The following GPR19 variants were observed in gnomAD, a reference collection of about 807,000 sequenced individuals.
The protein encoded by GPR19 is probable G protein-coupled receptor 19.
GPR19 carries 14 observed loss-of-function variants against 28.5 expected under a neutral mutation model. That is an observed-to-expected ratio of 0.49 (90% CI 0.32 to 0.77). The LOEUF (loss-of-function observed/expected upper bound fraction) is 0.77. GPR19 is among the 30% of genes least tolerant of loss of function. The pLI, the probability that GPR19 is intolerant of heterozygous loss-of-function variation, is 0.03. For missense variants in GPR19, 409 were observed against 504.1 expected, an observed-to-expected ratio of 0.81 and a Z score of 1.81; for synonymous variants, 173 against 184.1, an observed-to-expected ratio of 0.94 and a Z score of 0.49.
chr12:12,674,905 G>A (rs1186941850), intron 3 of GPR19, among the ~76,000 whole-genome samples: 4 of 152,208 alleles, frequency 2.6e-5, no homozygotes, highest in Non-Finnish European at 5.9e-5. Context: ...GTTGTAGTAA[G>A]TCCAATGAAA....
chr12:12,716,049 C>CG, the GPR19 span, among the ~76,000 whole-genome samples: 1 of 152,142 alleles, frequency 6.6e-6, no homozygotes, highest in Non-Finnish European at 1.5e-5. Context: ...TGATGGGTAC[C>CG]GGGCATGGGG....
intron 2 of GPR19, among the ~76,000 whole-genome samples, chr12:12,689,452 A>G (rs891213131): frequency 6.6e-6 from 1 of 152,168 alleles, no homozygotes; most frequent in Non-Finnish European, 1.5e-5. Context: ...CAAACAAATG[A>G]AAGTCATCTA....
chr12:12,716,230 T>C, the GPR19 span, among the ~76,000 whole-genome samples: 3 of 152,302 alleles, frequency 2.0e-5, no homozygotes, highest in Middle Eastern at 3.4e-3. Flanking sequence ...GACATGGTTG[T>C]GGTGTTTTAA....
At chr12:12,681,192 G>T (rs1946015013) in intron 3 of GPR19, among the ~76,000 whole-genome samples, 2 of 152,070 alleles carry the variant, frequency 1.3e-5, no homozygotes, top group African/African-American at 4.8e-5. Context: ...TCCACACTCT[G>T]GTCCTTCTCT....
chr12:12,706,775 T>A, the GPR19 span, among the ~76,000 whole-genome samples: 1 of 152,152 alleles, frequency 6.6e-6, no homozygotes, highest in Non-Finnish European at 1.5e-5. Context: ...AAACACACTA[T>A]CAACTCTCTA....
At chr12:12,693,577 T>C (rs1422982666) in intron 2 of GPR19, among the ~76,000 whole-genome samples, 1 of 152,260 alleles carries the variant, frequency 6.6e-6, no homozygotes, top group Non-Finnish European at 1.5e-5. Context: ...GCAATTATAC[T>C]AATGGCTTTA....
At chr12:12,705,887 T>C in the GPR19 span, among the ~76,000 whole-genome samples, 1 of 152,102 alleles carries the variant, frequency 6.6e-6, no homozygotes, top group South Asian at 2.1e-4. Flanking sequence ...AGAAAAGATA[T>C]TGAAGGAAAC....
At chr12:12,690,681 CAT>C (rs917863334) in intron 2 of GPR19, among the ~76,000 whole-genome samples, 4 of 152,176 alleles carry the variant, frequency 2.6e-5, no homozygotes, top group Non-Finnish European at 5.9e-5. Context: ...CTGAAATTCA[CAT>C]GTCCTTATAA....
At chr12:12,689,925 A>G (rs1319992784) in intron 2 of GPR19, among the ~76,000 whole-genome samples, 1 of 152,184 alleles carries the variant, frequency 6.6e-6, no homozygotes, top group African/African-American at 2.4e-5. Flanking sequence ...ACCAGCACCA[A>G]CTAGCCAACC....
chr12:12,685,639 A>G (rs910685578), intron 2 of GPR19, among the ~76,000 whole-genome samples: 1 of 152,316 alleles, frequency 6.6e-6, no homozygotes, highest in South Asian at 2.1e-4. Flanking sequence ...CTCAGAGCCA[A>G]ATTGGATTGC....
intron 2 of GPR19, chr12:12,688,836 C>CGAGTTCACCAT (rs1306655760): frequency 6.6e-6 from 1 of 152,250 alleles, no homozygotes; most frequent in African/African-American, 2.4e-5. Flanking sequence ...AGGTGGGCCA[C>CGAGTTCACCAT]GAGTTCACCA....
chr12:12,682,803 A>T (rs1287600878), intron 3 of GPR19, among the ~76,000 whole-genome samples: 1 of 152,248 alleles, frequency 6.6e-6, no homozygotes, highest in Non-Finnish European at 1.5e-5. Context: ...GGAAATCTAC[A>T]CAGATCAAAA....
Position 12,661,897 on chromosome 12 carries a change from A to G in GPR19, c.552T>C (p.Ile184=). ...CTGCATCAAAGACCCACGATGCCGC[A>G]ATCATTTTCTTGGCTTTTTCTCTGG... The part of the protein sequence containing the change: ...KVSREKAKKM[I]AASWVFDAGF... Residue 184 remains isoleucine, a synonymous_variant, in exon 4 of 4, where the codon ATT becomes ATC. Transcript: ENST00000651487. This position sits in a 1 kb window ranked among gnomAD's most constrained non-coding sequence, Gnocchi z 4.2. 1 of 1,614,212 alleles carries G rather than the reference A, an allele frequency of 6.2e-7. No homozygotes were observed. The highest frequency in any genetic ancestry group is 8.5e-7 in the Non-Finnish European group (1 of 1,180,028).
intron 3 of GPR19, among the ~76,000 whole-genome samples, chr12:12,671,135 C>G (rs899396068): frequency 6.7e-6 from 1 of 149,146 alleles, no homozygotes; most frequent in Non-Finnish European, 1.5e-5. Flanking sequence ...CCCATCTCTA[C>G]TAAAAATAAA....
intron 3 of GPR19, among the ~76,000 whole-genome samples, chr12:12,663,763 C>A (rs1182816333): frequency 1.3e-5 from 2 of 151,986 alleles, no homozygotes; most frequent in African/African-American, 4.8e-5. Context: ...TTAATATTTT[C>A]AAAAATGTGC....
At chr12:12,692,831 C>G (rs185149591) in intron 2 of GPR19, among the ~76,000 whole-genome samples, 131 of 152,212 alleles carry the variant, frequency 8.6e-4, no homozygotes, top group African/African-American at 3.1e-3. Context: ...GGCTCTAGTC[C>G]TGGCTCACTC....
At chr12:12,699,128 G>T (rs894805099), upstream of GPR19, among the ~76,000 whole-genome samples, 1 of 151,886 alleles carries the variant, frequency 6.6e-6, no homozygotes, top group African/African-American at 2.4e-5. Context: ...GGATCATGAG[G>T]TCAGGAGTTT....
upstream of GPR19, among the ~76,000 whole-genome samples, chr12:12,698,362 T>C (rs969729374): frequency 6.6e-6 from 1 of 152,212 alleles, no homozygotes; most frequent in African/African-American, 2.4e-5. Flanking sequence ...GCCATTTCTT[T>C]AGCCAGTATT....
chr12:12,704,718 C>T, the GPR19 span, among the ~76,000 whole-genome samples: 3 of 152,134 alleles, frequency 2.0e-5, no homozygotes, highest in Non-Finnish European at 2.9e-5. Context: ...AGGATTAGGG[C>T]TGACAGTTCT....
Sources: allele counts gnomAD v4.1 joint callset (sites outside exome capture counted in the v4.1 genomes callset), GRCh38; gene constraint gnomAD v4.1.1; non-coding constraint Gnocchi (gnomAD v3.1); transcripts MANE v1.5; gene names NCBI Gene and HGNC (gene_info 2026-07-23, HGNC 2026-07-21).